The following RASAL2 variants were observed in gnomAD, a reference collection of about 807,000 sequenced individuals.
RASAL2 encodes the protein ras GTPase-activating protein nGAP.
Under a neutral mutation model 128.9 loss-of-function variants are expected in RASAL2, and 58 were observed. The observed-to-expected ratio is 0.45, with a 90% CI of 0.36 to 0.56. The LOEUF (loss-of-function observed/expected upper bound fraction) is 0.56, where lower values mean the gene tolerates loss of function less well. RASAL2 is among the 20% of genes least tolerant of loss of function. RASAL2 has a pLI of 0.00. For missense variants in RASAL2, 1,360 were observed against 1,601.6 expected, an observed-to-expected ratio of 0.85 and a Z score of 2.57; for synonymous variants, 561 against 580.8, an observed-to-expected ratio of 0.97 and a Z score of 0.49.
chr1:178,322,004 T>A (rs7523567), intron 3 of RASAL2, among the ~76,000 whole-genome samples: 76 of 140,146 alleles, frequency 5.4e-4, no homozygotes, highest in African/African-American at 1.9e-3. Context: ...AAAAAAAAAA[T>A]TTTTTTTTGG....
intron 3 of RASAL2, among the ~76,000 whole-genome samples, chr1:178,374,184 G>A (rs1671872068): frequency 6.6e-6 from 1 of 152,074 alleles, no homozygotes; most frequent in South Asian, 2.1e-4. Context: ...TCCTCCACAG[G>A]AATGAGGAAC....
At chr1:178,242,416 T>C (rs1329046032) in intron 1 of RASAL2, among the ~76,000 whole-genome samples, 1 of 148,676 alleles carries the variant, frequency 6.7e-6, no homozygotes, top group East Asian at 2.0e-4. Context: ...ACAATTTTTA[T>C]AATTCATTCT....
chr1:178,364,907 CT>C (rs564519799), intron 3 of RASAL2, among the ~76,000 whole-genome samples: 37 of 151,506 alleles, frequency 2.4e-4, no homozygotes, highest in South Asian at 6.3e-4. Context: ...ACTGTATTTA[CT>C]TTTTTTTTCT....
intron 4 of RASAL2, among the ~76,000 whole-genome samples, chr1:178,414,927 C>T (rs1674657040): frequency 6.6e-6 from 1 of 152,096 alleles, no homozygotes; most frequent in Non-Finnish European, 1.5e-5. Flanking sequence ...GTGATGACCC[C>T]TCTTTTATTT....
chr1:178,350,442 C>T (rs1385272673), intron 3 of RASAL2, among the ~76,000 whole-genome samples: 1 of 152,134 alleles, frequency 6.6e-6, no homozygotes, highest in Non-Finnish European at 1.5e-5. Context: ...CCATGATGCT[C>T]ATCTTGGTCT....
intron 1 of RASAL2, among the ~76,000 whole-genome samples, chr1:178,189,072 G>C (rs1365569245): frequency 6.6e-6 from 1 of 152,066 alleles, no homozygotes; most frequent in Non-Finnish European, 1.5e-5. Context: ...TGTAAATCTG[G>C]AGTGATGACA....
At chr1:178,312,089 A>C (rs1668283162) in intron 3 of RASAL2, among the ~76,000 whole-genome samples, 1 of 152,156 alleles carries the variant, frequency 6.6e-6, no homozygotes, top group South Asian at 2.1e-4. Flanking sequence ...TGAGAGGACC[A>C]GTCTAGGAAG....
intron 3 of RASAL2, among the ~76,000 whole-genome samples, chr1:178,335,981 G>C (rs1669567904): frequency 4.6e-5 from 7 of 151,356 alleles, no homozygotes; most frequent in Admixed American, 4.6e-4. Flanking sequence ...GTATACCATA[G>C]TGGTTAAGGG....
intron 3 of RASAL2, among the ~76,000 whole-genome samples, chr1:178,388,727 T>C (rs1429837993): frequency 6.6e-6 from 1 of 152,216 alleles, no homozygotes; most frequent in Admixed American, 6.5e-5. Context: ...AATTGATTTG[T>C]GTGCATTACT....
intron 3 of RASAL2, among the ~76,000 whole-genome samples, chr1:178,366,009 A>G (rs1571935997): frequency 1.3e-5 from 2 of 152,288 alleles, no homozygotes; most frequent in South Asian, 2.1e-4. Flanking sequence ...TATAATTTGT[A>G]TAGTAGATTA....
At chr1:178,221,713 A>C (rs1663619253) in intron 1 of RASAL2, among the ~76,000 whole-genome samples, 1 of 152,158 alleles carries the variant, frequency 6.6e-6, no homozygotes, top group Admixed American at 6.5e-5. Context: ...TGTGAGCTTG[A>C]GAAGAATGTG....
At chr1:178,097,798 G>A (rs2102212574) in intron 1 of RASAL2, among the ~76,000 whole-genome samples, 1 of 152,158 alleles carries the variant, frequency 6.6e-6, no homozygotes. Context: ...TGAAGACTAG[G>A]CACTGTTTTG....
At chr1:178,318,107 G>A (rs1177287938) in intron 3 of RASAL2, among the ~76,000 whole-genome samples, 3 of 152,208 alleles carry the variant, frequency 2.0e-5, no homozygotes, top group African/African-American at 4.8e-5. Context: ...GCGGCTTTGA[G>A]TGGGATTCTT....
intron 2 of RASAL2, among the ~76,000 whole-genome samples, chr1:178,293,105 A>G (rs1466695208): frequency 6.6e-6 from 1 of 152,204 alleles, no homozygotes; most frequent in African/African-American, 2.4e-5. Flanking sequence ...ATAGATATAT[A>G]ATATGCCCTT....
At chr1:178,166,760 T>G (rs1023962002) in intron 1 of RASAL2, among the ~76,000 whole-genome samples, 1 of 152,116 alleles carries the variant, frequency 6.6e-6, no homozygotes, top group African/African-American at 2.4e-5. Context: ...TTTCGTGTAC[T>G]AGGTAAGTAG....
chr1:178,380,510 C>CA (rs927406226), intron 3 of RASAL2, among the ~76,000 whole-genome samples: 3 of 151,470 alleles, frequency 2.0e-5, no homozygotes, highest in South Asian at 2.1e-4. Context: ...TTTAATCTAC[C>CA]AAAAAAAGGC....
At chr1:178,132,032 T>G (rs1660138124) in intron 1 of RASAL2, among the ~76,000 whole-genome samples, 1 of 151,858 alleles carries the variant, frequency 6.6e-6, no homozygotes, top group Non-Finnish European at 1.5e-5. Flanking sequence ...CTTCCCCTCC[T>G]TCTTCCCTTC....
intron 5 of RASAL2, among the ~76,000 whole-genome samples, chr1:178,428,356 A>G (rs1675661103): frequency 6.6e-6 from 1 of 151,952 alleles, no homozygotes; most frequent in Admixed American, 6.6e-5. Context: ...GAAACTACCA[A>G]ACTTTTCCAA....
At chr1:178,425,348 TCTG>T (rs970003431) in intron 5 of RASAL2, among the ~76,000 whole-genome samples, 3 of 152,176 alleles carry the variant, frequency 2.0e-5, no homozygotes, top group African/African-American at 7.2e-5. Flanking sequence ...TGAAAACAGT[TCTG>T]CTTTTTTTTG....
Sources: gnomAD v4.1 joint callset for allele counts (sites outside exome capture counted in the v4.1 genomes callset) on GRCh38, gnomAD v4.1.1 for gene constraint, MANE v1.5 for transcripts, NCBI Gene and HGNC (gene_info 2026-07-23, HGNC 2026-07-21) for gene names.